The following CCDC82 variants were observed in gnomAD, a reference collection of about 807,000 sequenced individuals.
CCDC82 encodes coiled-coil domain containing 82, also known as coiled-coil domain-containing protein 82.
A neutral mutation model predicts 60.6 loss-of-function variants in CCDC82; 47 were observed. The observed-to-expected ratio is 0.77, with a 90% CI of 0.61 to 0.99. The LOEUF (loss-of-function observed/expected upper bound fraction) is 0.99, where lower values mean the gene tolerates loss of function less well. CCDC82 is among the 50% of genes least tolerant of loss of function. CCDC82 has a pLI of 0.00. For missense variants in CCDC82, 588 were observed against 633.0 expected, an observed-to-expected ratio of 0.93 and a Z score of 0.76; for synonymous variants, 212 against 207.4, an observed-to-expected ratio of 1.02 and a Z score of -0.19.
In CCDC82 at chr11:96,368,726, C is replaced by T. The variant is rs572402770; in HGVS notation, c.1209+2287G>A. 7.2e-5 allele frequency among the ~76,000 whole-genome samples: 11 copies of T among 152,102 alleles called. No individual in the cohort carries two copies. The South Asian group carries it at 1.7e-3, about 23-fold the overall frequency. ...CTAAAAATACAAAAAATCAGCCAGG[C>T]GTGGTGGCAGGCGCCTGTAGTCCCA... On this transcript the variant is annotated intron_variant, in intron 7 of 9. Transcript: ENST00000646818.
chr11:96,358,754 A>T, intron 9 of CCDC82: 1 of 907,378 alleles, frequency 1.1e-6, no homozygotes, highest in Non-Finnish European at 1.5e-6. Flanking sequence ...TCAATAAAGG[A>T]CAGTGTTAAT....
chr11:96,377,437 T>C (rs1865646896), intron 5 of CCDC82, among the ~76,000 whole-genome samples: 1 of 152,146 alleles, frequency 6.6e-6, no homozygotes, highest in Admixed American at 6.6e-5. Context: ...TGTTTTCATG[T>C]CTTGTTGCAT....
intron 9 of CCDC82, chr11:96,357,951 G>T (rs1038622345): frequency 3.2e-5 from 32 of 985,336 alleles, no homozygotes; most frequent in Non-Finnish European, 3.9e-5. Context: ...GGGCAGGCAA[G>T]ATCACTGGGT....
intron 5 of CCDC82, among the ~76,000 whole-genome samples, chr11:96,379,444 T>C (rs868459946): frequency 2.0e-5 from 3 of 151,822 alleles, no homozygotes; most frequent in South Asian, 2.1e-4. Context: ...AATATGCTTA[T>C]CTTAATCATC....
At chr11:96,384,790 C>G in intron 3 of CCDC82, 29 bp from the exon 4 acceptor site, 1 of 1,374,670 alleles carries the variant, frequency 7.3e-7, no homozygotes, top group Non-Finnish European at 9.9e-7. Flanking sequence ...AGGAATATAA[C>G]AGTGATAACC....
chr11:96,364,221 CAT>C (rs1461258915), intron 8 of CCDC82: 32 of 151,982 alleles, frequency 2.1e-4, no homozygotes, highest in Admixed American at 2.1e-3. Flanking sequence ...GGGAAATTTG[CAT>C]ATGACTATTA....
intron 1 of CCDC82, chr11:96,389,398 T>G (rs1016992473): frequency 6.6e-6 from 1 of 152,204 alleles, no homozygotes; most frequent in Non-Finnish European, 1.5e-5. Context: ...CAGCGCCCGC[T>G]AGCCCACTAG....
At chr11:96,379,840 A>T (rs535015245) in intron 5 of CCDC82, among the ~76,000 whole-genome samples, 3 of 152,020 alleles carry the variant, frequency 2.0e-5, no homozygotes, top group Non-Finnish European at 4.4e-5. Context: ...GCTAGAGATA[A>T]ATGTTTGGGA....
chr11:96,388,837 A>G (rs1770294037), intron 1 of CCDC82: 1 of 152,216 alleles, frequency 6.6e-6, no homozygotes, highest in South Asian at 2.1e-4. Context: ...TTTCTTTTAT[A>G]TGGCAGTTTG....
intron 3 of CCDC82, 127 bp from the exon 4 acceptor site, chr11:96,384,888 T>C (rs1591225094): frequency 1.7e-6 from 1 of 578,180 alleles, no homozygotes; most frequent in Non-Finnish European, 2.9e-6. Context: ...ACATGAAATA[T>C]CTGAGTGAAG....
intron 2 of CCDC82, chr11:96,386,914 T>TACGTCC (rs1866226141): frequency 6.6e-6 from 1 of 152,244 alleles, no homozygotes; most frequent in African/African-American, 2.4e-5. Flanking sequence ...TGCGTTACAA[T>TACGTCC]ACGTCCACCC....
chr11:96,357,497 C>A lies in CCDC82; in HGVS notation c.1566+1496G>T, dbSNP rs143471638. 1.0e-3 allele frequency: 1,014 copies of A among 985,046 alleles called. 7 individuals carry two copies. The African/African-American group carries it at 0.016, about 16-fold the overall frequency. 61.0% of individuals were successfully genotyped at this position (985,046 alleles called of 1,614,324 possible). A position where few individuals can be genotyped will look rare whatever the true frequency, so the allele number is the denominator to read the frequency against. The stretch of plus-strand genomic sequence containing the variant: ...GCCAAGTGTTATGCATAAAGAATAA[C>A]GTCTTTAAAATTCCAGGTCCCTTCT... On this transcript the variant is annotated intron_variant, in intron 9 of 9. Transcript: ENST00000646818.
rs1337058046 is a variant in CCDC82, at chr11:96,384,452, CACTT to C, written c.292_295del (p.Lys98ValfsTer32). The C allele has an allele frequency of 2.5e-6, 4 of 1,613,668 alleles. No homozygotes were observed. The highest frequency in any genetic ancestry group is 2.5e-6 in the Non-Finnish European group (3 of 1,179,818). On this transcript the variant is annotated frameshift_variant, in exon 4 of 10. Coordinates refer to ENST00000646818, the MANE Select transcript of CCDC82 (RefSeq NM_024725.4). LOFTEE classifies it high-confidence loss of function. The stretch of plus-strand genomic sequence containing the variant: ...TGAACCGTTGCCAGAGTTAATGAGA[CACTT>C]ACTGTCATTTCCTTCACTTTGAATT...
chr11:96,380,154 A>C (rs1364454133), intron 5 of CCDC82, among the ~76,000 whole-genome samples: 1 of 151,728 alleles, frequency 6.6e-6, no homozygotes, highest in Non-Finnish European at 1.5e-5. Flanking sequence ...GAACAATTTC[A>C]CTGGACTGAC....
At chr11:96,357,624 T>G in intron 9 of CCDC82, 1 of 979,510 alleles carries the variant, frequency 1.0e-6, no homozygotes, top group Non-Finnish European at 1.2e-6. Context: ...TACTATTATA[T>G]AACATATACA....
chr11:96,378,220 T>C (rs1002012944), intron 5 of CCDC82, among the ~76,000 whole-genome samples: 1 of 152,074 alleles, frequency 6.6e-6, no homozygotes, highest in African/African-American at 2.4e-5. Context: ...TTTCTGACTT[T>C]ACATTTTAAA....
At chr11:96,359,813 C>T (rs1052071034) in intron 8 of CCDC82, among the ~76,000 whole-genome samples, 17 of 149,164 alleles carry the variant, frequency 1.1e-4, no homozygotes, top group South Asian at 4.2e-4. Flanking sequence ...CTTTTCTTTT[C>T]CCCCCCCAAA....
At chr11:96,372,237 T>C (rs1181619198) in intron 6 of CCDC82, among the ~76,000 whole-genome samples, 1 of 152,208 alleles carries the variant, frequency 6.6e-6, no homozygotes, top group East Asian at 1.9e-4. Flanking sequence ...CAGGTTTCTG[T>C]TTAAAAGCTA....
intron 9 of CCDC82, chr11:96,358,158 G>T (rs1483011583): frequency 2.0e-6 from 2 of 987,894 alleles, no homozygotes; most frequent in South Asian, 4.7e-5. Flanking sequence ...CCAGGCAATG[G>T]ATCTCAAGTT....
Sources: allele counts gnomAD v4.1 joint callset (sites outside exome capture counted in the v4.1 genomes callset), GRCh38; gene constraint gnomAD v4.1.1; transcripts MANE v1.5; gene names NCBI Gene and HGNC (gene_info 2026-07-23, HGNC 2026-07-21).